Variants in PALLD observed in about 807,000 individuals in gnomAD.
The protein encoded by PALLD is palladin.
Under a neutral mutation model 123.5 loss-of-function variants are expected in PALLD, and 61 were observed. That is an observed-to-expected ratio of 0.49 (90% confidence interval 0.40 to 0.61). The LOEUF is 0.61. Ranked by LOEUF, PALLD falls within the 20% of genes least tolerant of loss-of-function variation. PALLD has a pLI of 0.00. For synonymous variants in PALLD, 465 were observed against 496.4 expected, an observed-to-expected ratio of 0.94 and a Z score of 0.84; for missense variants, 1,273 against 1,377.0, an observed-to-expected ratio of 0.92 and a Z score of 1.20.
intron 10 of PALLD, among the ~76,000 whole-genome samples, chr4:168,856,882 G>A (rs1010364055): frequency 6.6e-6 from 1 of 152,234 alleles, no homozygotes; most frequent in Non-Finnish European, 1.5e-5. Flanking sequence ...AGTTCTTGGA[G>A]TCCTTGAATA....
At chr4:168,653,644 T>C (rs931809354) in intron 2 of PALLD, among the ~76,000 whole-genome samples, 1 of 152,228 alleles carries the variant, frequency 6.6e-6, no homozygotes, top group African/African-American at 2.4e-5. Flanking sequence ...AACCTTTGAG[T>C]ATGCTGTTCT....
At chr4:168,773,132 T>A (rs1384246857) in intron 10 of PALLD, among the ~76,000 whole-genome samples, 1 of 152,162 alleles carries the variant, frequency 6.6e-6, no homozygotes, top group Non-Finnish European at 1.5e-5. Context: ...AAAATTAGTA[T>A]TTTTTGGACT....
intron 10 of PALLD, among the ~76,000 whole-genome samples, chr4:168,876,717 G>T (rs1261885534): frequency 2.0e-5 from 3 of 152,144 alleles, no homozygotes; most frequent in Non-Finnish European, 4.4e-5. Context: ...TTTGCCTATG[G>T]ATAAGAAAGT....
intron 15 of PALLD, among the ~76,000 whole-genome samples, chr4:168,905,138 GTTTTTTT>G (rs777740588): frequency 2.9e-5 from 1 of 34,524 alleles, no homozygotes; most frequent in East Asian, 1.9e-3. Flanking sequence ...TGTTTTGTTG[GTTTTTTT>G]TTTTTTTTTT....
rs918557302 is a variant in PALLD, at chr4:168,703,077, G to T, written c.1502-5951G>T. Among the ~76,000 whole-genome samples the T allele has an allele frequency of 6.2e-3, 706 of 114,022 alleles. 2 individuals carry two copies. Among genetic ancestry groups the T allele is most frequent in the Non-Finnish European group, 9.6e-3 (563 of 58,950 alleles). 74.8% of individuals were successfully genotyped at this position (114,022 alleles called of 152,430 possible). A position where few individuals can be genotyped will look rare whatever the true frequency, so the allele number is the denominator to read the frequency against. On this transcript the variant is annotated intron_variant, in intron 8 of 21. Transcript: ENST00000505667. ...TCCCCCCTCCCCCCACCCCACAACAGTCCCCAGAGTGTGATATTCCCCTTC... is the reference window on the plus strand; with the variant it reads ...TCCCCCCTCCCCCCACCCCACAACATTCCCCAGAGTGTGATATTCCCCTTC...
At chr4:168,657,146 A>G (rs1214525304) in intron 2 of PALLD, among the ~76,000 whole-genome samples, 1 of 152,246 alleles carries the variant, frequency 6.6e-6, no homozygotes, top group Non-Finnish European at 1.5e-5. Context: ...CTGATCCTTC[A>G]ACATGATTCA....
intron 1 of PALLD, among the ~76,000 whole-genome samples, chr4:168,505,311 A>C (rs1761898576): frequency 6.6e-6 from 1 of 152,222 alleles, no homozygotes; most frequent in South Asian, 2.1e-4. Context: ...GCGCCTCTTT[A>C]AAACCAAAAT....
chr4:168,904,020 C>G, intron 15 of PALLD, 114 bp downstream of exon 15: 1 of 1,088,152 alleles, frequency 9.2e-7, no homozygotes, highest in Non-Finnish European at 1.4e-6. Context: ...ATTTATGAAA[C>G]TATTTTTCCA....
At chr4:168,808,486 AC>A (rs1389844703) in intron 10 of PALLD, among the ~76,000 whole-genome samples, 5 of 152,204 alleles carry the variant, frequency 3.3e-5, no homozygotes, top group Admixed American at 1.3e-4. Context: ...TCTCAAAAAA[AC>A]AAAACAAAAC....
At chr4:168,559,697 G>A (rs1767667116) in intron 2 of PALLD, among the ~76,000 whole-genome samples, 1 of 152,078 alleles carries the variant, frequency 6.6e-6, no homozygotes, top group Non-Finnish European at 1.5e-5. Context: ...AGGAGGTCGA[G>A]ACAGGCCTGG....
chr4:168,893,717 A>G (rs1434979828), intron 11 of PALLD, among the ~76,000 whole-genome samples: 1 of 152,232 alleles, frequency 6.6e-6, no homozygotes, highest in Non-Finnish European at 1.5e-5. Flanking sequence ...ATTCAAGAGC[A>G]GGTATCACCC....
intron 10 of PALLD, among the ~76,000 whole-genome samples, chr4:168,873,929 C>T (rs1751410529): frequency 6.6e-6 from 1 of 152,214 alleles, no homozygotes; most frequent in African/African-American, 2.4e-5. Flanking sequence ...GGTCTCATGA[C>T]AGCCCCATCT....
chr4:168,905,790 C>CTT (rs59427697), intron 15 of PALLD, among the ~76,000 whole-genome samples: 4 of 113,126 alleles, frequency 3.5e-5, no homozygotes, highest in Non-Finnish European at 3.5e-5. Flanking sequence ...GCTTTTTTTT[C>CTT]TTTTTTTTTT....
intron 10 of PALLD, chr4:168,756,166 G>A (rs58318938): frequency 0.014 from 2,502 of 177,062 alleles, 76 homozygotes; most frequent in East Asian, 0.092. Flanking sequence ...TTTCTTGAGC[G>A]AAAAATATAT....
intron 5 of PALLD, among the ~76,000 whole-genome samples, chr4:168,684,998 TA>T (rs906769683): frequency 7.3e-5 from 11 of 151,536 alleles, no homozygotes; most frequent in Non-Finnish European, 1.3e-4. Context: ...TGCACGTCAA[TA>T]AAAAAAAATT....
chr4:168,631,833 G>C (rs1775846909), intron 2 of PALLD: 1 of 985,378 alleles, frequency 1.0e-6, no homozygotes, highest in Admixed American at 6.1e-5. Flanking sequence ...GGGAATAAGC[G>C]AGATCTGAAA....
chr4:168,732,201 A>G (rs190592156), intron 10 of PALLD, among the ~76,000 whole-genome samples: 112 of 152,364 alleles, frequency 7.4e-4, no homozygotes, highest in Admixed American at 1.5e-3. Flanking sequence ...ACAAATCCCT[A>G]TTCCACAATA....
chr4:168,650,214 G>A (rs1580763983), intron 2 of PALLD, among the ~76,000 whole-genome samples: 1 of 152,130 alleles, frequency 6.6e-6, no homozygotes, highest in East Asian at 1.9e-4. Context: ...AAAAGAGAAA[G>A]ATTTATATTT....
At chr4:168,683,412 A>T (rs1781738643) in intron 5 of PALLD, among the ~76,000 whole-genome samples, 1 of 152,134 alleles carries the variant, frequency 6.6e-6, no homozygotes, top group Non-Finnish European at 1.5e-5. Context: ...ATTCCCTCAC[A>T]TGTGTATGCT....
Sources: allele counts gnomAD v4.1 joint callset (sites outside exome capture counted in the v4.1 genomes callset), GRCh38; gene constraint gnomAD v4.1.1; transcripts MANE v1.5; gene names NCBI Gene and HGNC (gene_info 2026-07-23, HGNC 2026-07-21).